The following CABCOCO1 variants were observed in gnomAD, a reference collection of about 807,000 sequenced individuals.
CABCOCO1 encodes ciliary-associated calcium-binding coiled-coil protein 1.
CABCOCO1 carries 28 observed loss-of-function variants against 35.7 expected under a neutral mutation model. The observed-to-expected ratio is 0.78, with a 90% CI of 0.58 to 1.07. CABCOCO1 has a LOEUF of 1.07. Ranked by LOEUF, CABCOCO1 falls within the 50% of genes least tolerant of loss-of-function variation. The probability of loss-of-function intolerance (pLI) is 0.00; values close to 1 mark genes in which losing one functional copy is unlikely to be tolerated. For missense variants in CABCOCO1, 326 were observed against 309.2 expected (o/e 1.05, Z -0.41); for synonymous variants, 95 against 100.1 (o/e 0.95, Z 0.30).
At chr10:61,729,356 T>A (rs1841241511) in intron 5 of CABCOCO1, among the ~76,000 whole-genome samples, 1 of 151,932 alleles carries the variant, frequency 6.6e-6, no homozygotes, top group African/African-American at 2.4e-5. Flanking sequence ...AACAGGTATA[T>A]GGGAAAAAAA....
chr10:61,711,515 T>G (rs1009346283), intron 5 of CABCOCO1, among the ~76,000 whole-genome samples: 8 of 151,898 alleles, frequency 5.3e-5, no homozygotes, highest in Non-Finnish European at 1.0e-4. Flanking sequence ...GCAAGGAAAA[T>G]AGACACATTT....
intron 5 of CABCOCO1, among the ~76,000 whole-genome samples, chr10:61,751,213 CTTTTTTT>C (rs57540074): frequency 3.8e-5 from 4 of 106,506 alleles, no homozygotes; most frequent in East Asian, 2.7e-4. Flanking sequence ...TTGCCTTGCT[CTTTTTTT>C]TTTTTTTTTT....
intron 4 of CABCOCO1, among the ~76,000 whole-genome samples, chr10:61,689,706 AT>A (rs1840075892): frequency 6.6e-6 from 1 of 152,146 alleles, no homozygotes; most frequent in Admixed American, 6.6e-5. Flanking sequence ...CACTAAGACA[AT>A]TTTTTGTTCT....
At chr10:61,746,805 T>C (rs1026373988) in intron 5 of CABCOCO1, among the ~76,000 whole-genome samples, 1 of 152,084 alleles carries the variant, frequency 6.6e-6, no homozygotes, top group Non-Finnish European at 1.5e-5. Context: ...GTTGGAATAA[T>C]AGGAAATGAA....
At chr10:61,665,616 G>C (rs1265398744) in intron 1 of CABCOCO1, among the ~76,000 whole-genome samples, 2 of 152,028 alleles carry the variant, frequency 1.3e-5, no homozygotes, top group African/African-American at 4.8e-5. Flanking sequence ...GGCCGGGCGC[G>C]GTGGCTCACG....
intron 5 of CABCOCO1, among the ~76,000 whole-genome samples, chr10:61,698,215 A>G (rs1449546876): frequency 1.3e-5 from 2 of 152,136 alleles, no homozygotes; most frequent in Non-Finnish European, 2.9e-5. Flanking sequence ...CTAACTTACA[A>G]AATGTGTTAG....
chr10:61,678,756 T>C (rs536112551), intron 2 of CABCOCO1, among the ~76,000 whole-genome samples: 22 of 152,134 alleles, frequency 1.4e-4, no homozygotes, highest in Non-Finnish European at 2.8e-4. Context: ...CATCCTCTGT[T>C]ATGAATTATT....
At chr10:61,728,921 G>C (rs560016063) in intron 5 of CABCOCO1, among the ~76,000 whole-genome samples, 8 of 152,250 alleles carry the variant, frequency 5.3e-5, no homozygotes, top group Non-Finnish European at 8.8e-5. Context: ...CATGTCTACA[G>C]TCAAGATTTT....
chr10:61,687,894 T>A (rs935749511), intron 4 of CABCOCO1, among the ~76,000 whole-genome samples: 1 of 152,132 alleles, frequency 6.6e-6, no homozygotes, highest in Non-Finnish European at 1.5e-5. Flanking sequence ...TACAGAACTA[T>A]AAAATATCAG....
intron 2 of CABCOCO1, among the ~76,000 whole-genome samples, chr10:61,674,767 T>C (rs1011084007): frequency 3.3e-5 from 5 of 152,160 alleles, no homozygotes; most frequent in African/African-American, 9.7e-5. Flanking sequence ...AAAACATATT[T>C]CTGAAATTCA....
intron 3 of CABCOCO1, among the ~76,000 whole-genome samples, chr10:61,682,339 C>T (rs1399267598): frequency 6.6e-6 from 1 of 152,130 alleles, no homozygotes; most frequent in African/African-American, 2.4e-5. Flanking sequence ...AGTTTTTCCT[C>T]CTGGCAGAAA....
chr10:61,741,508 T>C (rs1003904379), intron 5 of CABCOCO1, among the ~76,000 whole-genome samples: 2 of 152,200 alleles, frequency 1.3e-5, no homozygotes, highest in African/African-American at 4.8e-5. Context: ...TTAGCTAATG[T>C]ATGAAGAAAA....
intron 7 of CABCOCO1, among the ~76,000 whole-genome samples, chr10:61,763,616 T>A (rs1354534794): frequency 1.3e-5 from 2 of 152,162 alleles, no homozygotes; most frequent in East Asian, 3.9e-4. Context: ...ATGTTGGCTG[T>A]TGGCCCTGTG....
At chr10:61,718,194 C>T (rs894799728) in intron 5 of CABCOCO1, among the ~76,000 whole-genome samples, 30 of 152,048 alleles carry the variant, frequency 2.0e-4, no homozygotes, top group African/African-American at 7.2e-4. Context: ...TCCATAAAAT[C>T]AGTATGATTT....
intron 5 of CABCOCO1, among the ~76,000 whole-genome samples, chr10:61,711,193 G>GA (rs1055678158): frequency 1.3e-5 from 2 of 151,738 alleles, no homozygotes; most frequent in Non-Finnish European, 2.9e-5. Context: ...CTTGTGAAAA[G>GA]AAAAAAGGTA....
At chr10:61,683,176 C>A (rs1168043228) in intron 3 of CABCOCO1, among the ~76,000 whole-genome samples, 2 of 152,118 alleles carry the variant, frequency 1.3e-5, no homozygotes, top group Non-Finnish European at 2.9e-5. Context: ...CAGGCATTAG[C>A]CACTGTGCCC....
intron 1 of CABCOCO1, among the ~76,000 whole-genome samples, chr10:61,664,159 A>G (rs1448776590): frequency 6.6e-6 from 1 of 152,242 alleles, no homozygotes; most frequent in Non-Finnish European, 1.5e-5. Context: ...ATTAGCAGAC[A>G]TTAAAAGTAC....
chr10:61,698,061 A>G (rs922649139), intron 5 of CABCOCO1, among the ~76,000 whole-genome samples: 2 of 152,138 alleles, frequency 1.3e-5, no homozygotes, highest in African/African-American at 4.8e-5. Context: ...GCTTAATTTC[A>G]CCAAAGTGGC....
intron 2 of CABCOCO1, among the ~76,000 whole-genome samples, chr10:61,679,166 C>A (rs1839619025): frequency 2.0e-5 from 3 of 152,180 alleles, no homozygotes; most frequent in African/African-American, 7.2e-5. Flanking sequence ...CAAGAGAATG[C>A]TAATGGTCCA....
Sources: allele counts gnomAD v4.1 joint callset (sites outside exome capture counted in the v4.1 genomes callset), GRCh38; gene constraint gnomAD v4.1.1; transcripts MANE v1.5; gene names NCBI Gene and HGNC (gene_info 2026-07-23, HGNC 2026-07-21).